Variants in RPS6KA1 observed in about 807,000 individuals in gnomAD.
The protein encoded by RPS6KA1 is ribosomal protein S6 kinase A1, also known as ribosomal protein S6 kinase alpha-1.
In RPS6KA1, 48 loss-of-function variants were observed where a neutral mutation model predicts 91.3. The ratio of observed to expected loss-of-function variants is 0.53; its 90% CI spans 0.42 to 0.67. RPS6KA1 has a LOEUF of 0.67. RPS6KA1 is among the 30% of genes least tolerant of loss of function. RPS6KA1 has a pLI of 0.00. For synonymous variants in RPS6KA1, 359 were observed against 384.7 expected (o/e 0.93, Z 0.78); for missense variants, 719 against 960.5 (o/e 0.75, Z 3.32).
intron 2 of RPS6KA1, among the ~76,000 whole-genome samples, chr1:26,544,332 A>T (rs1480217587): frequency 6.6e-6 from 1 of 151,784 alleles, no homozygotes; most frequent in Non-Finnish European, 1.5e-5. Flanking sequence ...CCTGTTGTTC[A>T]TGTCCCCTTC....
At position 26,551,553 on chromosome 1, in the gene RPS6KA1, C is replaced by A; in HGVS notation, c.388+76C>A. ...TGCCTGTGGTCTGTACACTGTCCCA[C>A]CGCCTGCCTGGCAGGCCAAGGGAGC... On this transcript the variant is annotated intron_variant, in intron 5 of 21. Coordinates refer to ENST00000374168, the MANE Select transcript of RPS6KA1 (RefSeq NM_002953.4). This position sits in a 1 kb window ranked among gnomAD's most constrained non-coding sequence, Gnocchi z 4.5. 1 of 1,596,752 alleles carries A rather than the reference C, an allele frequency of 6.3e-7. No homozygotes were observed. The highest frequency in any genetic ancestry group is 8.6e-7 in the Non-Finnish European group (1 of 1,164,276).
intron 17 of RPS6KA1, among the ~76,000 whole-genome samples, chr1:26,562,255 A>T (rs1170799926): frequency 6.6e-6 from 1 of 152,194 alleles, no homozygotes; most frequent in East Asian, 1.9e-4. Flanking sequence ...TTTTCACAAC[A>T]ACTCTGAGAT....
intron 20 of RPS6KA1, 91 bp downstream of exon 20, chr1:26,572,384 T>A: frequency 4.9e-6 from 4 of 822,942 alleles, no homozygotes; most frequent in Non-Finnish European, 6.2e-6. Context: ...CAGCCTCATT[T>A]CTCCAAGCGG....
rs189525212 is a variant in RPS6KA1, at chr1:26,558,282, G to A, written c.1085-525G>A. ...GTGGATTATCTAGTTAAAGGGAACA[G>A]TGTGTGCAAGGGCTCAGAGACCCCT... On this transcript the variant is annotated intron_variant, in intron 13 of 21. Transcript: ENST00000374168. This position sits in a 1 kb window ranked among gnomAD's most constrained non-coding sequence, Gnocchi z 4.0. Among the ~76,000 whole-genome samples, 2 of 152,310 alleles carry A rather than the reference G, an allele frequency of 1.3e-5. No homozygotes were observed. The highest frequency in any genetic ancestry group is 1.3e-4 in the Admixed American group (2 of 15,298).
chr1:26,568,320 T>A (rs1265155454), intron 17 of RPS6KA1, among the ~76,000 whole-genome samples: 2 of 152,224 alleles, frequency 1.3e-5, no homozygotes, highest in Non-Finnish European at 2.9e-5. Context: ...GGTATCAGAA[T>A]CACCTGTGGG....
rs1394026944 is a variant in RPS6KA1 at position 26,554,972 on chromosome 1, C to T, written c.757-179C>T. Among the ~76,000 whole-genome samples, 6 of 152,214 alleles carry T rather than the reference C, an allele frequency of 3.9e-5. No individual in the cohort carries two copies. Among genetic ancestry groups the T allele is most frequent in the South Asian group, 4.1e-4 (2 of 4,830 alleles). On this transcript the variant is annotated intron_variant, in intron 9 of 21. Coordinates refer to ENST00000374168, the MANE Select transcript of RPS6KA1 (RefSeq NM_002953.4). This position sits in a 1 kb window ranked among gnomAD's most constrained non-coding sequence, Gnocchi z 4.6. ...CTTCTCCCCAGCCTCGCGCCCCCACCGCTGCTCCTGGTGGTCTGGTTGGCA... is the reference window on the plus strand; with the variant it reads ...CTTCTCCCCAGCCTCGCGCCCCCACTGCTGCTCCTGGTGGTCTGGTTGGCA...
chr1:26,564,733 G>A (rs888755616), intron 17 of RPS6KA1, among the ~76,000 whole-genome samples: 2 of 152,148 alleles, frequency 1.3e-5, no homozygotes, highest in African/African-American at 4.8e-5. Context: ...CTGTAAAAAA[G>A]AACTTTACCT....
chr1:26,536,478 T>A (rs901680096), intron 1 of RPS6KA1, among the ~76,000 whole-genome samples: 4 of 152,196 alleles, frequency 2.6e-5, no homozygotes, highest in Non-Finnish European at 5.9e-5. Flanking sequence ...CCTTCCACCC[T>A]TGCAGCAACT....
rs1415157833 is a variant in RPS6KA1, at chr1:26,571,323, C to T, written c.1591-126C>T. 6 of 832,090 alleles carry T rather than the reference C, an allele frequency of 7.2e-6. No individual in the cohort carries two copies. Among genetic ancestry groups the T allele is most frequent in the South Asian group, 1.7e-5 (1 of 58,922 alleles). 51.5% of individuals were successfully genotyped at this position (832,090 alleles called of 1,614,324 possible). The stretch of plus-strand genomic sequence containing the variant: ...TCATTTCAGCCCCTTCCCCTTCTCT[C>T]GGATGCCAAGTCCATGCACCCGTCC... On this transcript the variant is annotated intron_variant, in intron 17 of 21. Transcript: ENST00000374168. This position sits in a 1 kb window ranked among gnomAD's most constrained non-coding sequence, Gnocchi z 5.1.
intron 2 of RPS6KA1, chr1:26,545,935 T>C (rs1472423125): frequency 6.3e-7 from 1 of 1,595,724 alleles, no homozygotes; most frequent in Non-Finnish European, 8.5e-7. Flanking sequence ...CGTCTGCGGC[T>C]CTGGGCCCTG....
chr1:26,569,123 G>A lies in RPS6KA1; in HGVS notation c.1591-2326G>A, dbSNP rs936550176. On this transcript the variant is annotated intron_variant, in intron 17 of 21. Coordinates refer to ENST00000374168, the MANE Select transcript of RPS6KA1 (RefSeq NM_002953.4). ...TGAGAATTGCTTGAACCTGGGAGAC[G>A]GAGGTTGCAGTGATCCAAGATTGTG... is the stretch of plus-strand genomic sequence containing the variant. Among the ~76,000 whole-genome samples the A allele has an allele frequency of 3.9e-5, 6 of 151,916 alleles. No individual in the cohort carries two copies. In the East Asian group the frequency reaches 9.7e-4, roughly 24 times the overall value.
chr1:26,536,796 G>A (rs1389191003), intron 1 of RPS6KA1, 129 bp from the exon 2 acceptor site: 10 of 995,722 alleles, frequency 1.0e-5, no homozygotes, highest in Non-Finnish European at 1.6e-5. Context: ...ACCCACCCAG[G>A]ACTCCTGCCC....
intron 2 of RPS6KA1, chr1:26,546,165 C>A: frequency 9.6e-7 from 1 of 1,037,294 alleles, no homozygotes; most frequent in Non-Finnish European, 1.4e-6. Flanking sequence ...TGACTGGACC[C>A]TGCCCAGACT....
At position 26,573,284 on chromosome 1, in the gene RPS6KA1, C is replaced by A; in HGVS notation, c.2008C>A (p.Leu670Met). 1 of 1,614,200 alleles carries A rather than the reference C, an allele frequency of 6.2e-7. No homozygotes were observed. Among genetic ancestry groups the A allele is most frequent in the Non-Finnish European group, 8.5e-7 (1 of 1,180,022 alleles). ...CCAGCGCCTCACAGCTAAGCAGGTT[C>A]TGCAGCATCCATGGGTCACCCAGAA... The part of the protein sequence containing the change: ...PHQRLTAKQV[L>M]QHPWVTQKDK... Residue 670 changes from leucine (L) to methionine (M), a missense_variant, in exon 21 of 22, where the codon CTG (leucine) becomes ATG (methionine). By Grantham distance (15) the Leu-to-Met change is conservative (BLOSUM62 2). Transcript: ENST00000374168.
Position 26,555,526 on chromosome 1 carries a change from G to C in RPS6KA1, c.828-11G>C, listed in dbSNP as rs759800145. Reference sequence around the variant, plus strand: ...GGGCTCAGCCTTGATGAGTCCCGGGGGCTGTTTCAGGGCGAAGCTAGGCAT... The same window carrying C: ...GGGCTCAGCCTTGATGAGTCCCGGGCGCTGTTTCAGGGCGAAGCTAGGCAT... On this transcript the variant is annotated splice_polypyrimidine_tract_variant and intron_variant, in intron 10 of 21. Transcript: ENST00000374168. The surrounding 1 kb of genome is among the most constrained non-coding windows in gnomAD (Gnocchi z 4.3). The C allele has an allele frequency of 5.7e-6, 9 of 1,577,428 alleles. No homozygotes were observed. The highest frequency in any genetic ancestry group is 7.8e-6 in the Non-Finnish European group (9 of 1,160,418).
intron 17 of RPS6KA1, among the ~76,000 whole-genome samples, chr1:26,565,211 G>A (rs2076188939): frequency 6.6e-6 from 1 of 152,168 alleles, no homozygotes; most frequent in African/African-American, 2.4e-5. Flanking sequence ...TGGATCCTCT[G>A]GGTTGGTTTG....
At position 26,560,810 on chromosome 1, in the gene RPS6KA1, C is replaced by T. The variant is rs1404635350; in HGVS notation, c.1300C>T (p.Arg434Cys). 2.5e-6 allele frequency: 4 copies of T among 1,614,076 alleles called. No homozygotes were observed. The highest frequency in any genetic ancestry group is 2.5e-6 in the Non-Finnish European group (3 of 1,180,044). ...IGVGSYSECKRCVHKATNMEY... is the reference protein window; with the variant it reads ...IGVGSYSECKCCVHKATNMEY... Reference sequence around the variant, plus strand: ...TGTGGGCTCCTACTCTGAGTGCAAGCGCTGTGTCCACAAGGCCACCAACAT... The same window carrying T: ...TGTGGGCTCCTACTCTGAGTGCAAGTGCTGTGTCCACAAGGCCACCAACAT... Residue 434 changes from arginine to cysteine, a missense_variant, in exon 15 of 22, where the codon CGC (arginine) becomes TGC (cysteine). Coordinates refer to ENST00000374168, the MANE Select transcript of RPS6KA1 (RefSeq NM_002953.4).
At position 26,571,623 on chromosome 1, in the gene RPS6KA1, G is replaced by C. The variant is rs2076249536; in HGVS notation, c.1752+13G>C. On this transcript the variant is annotated intron_variant, in intron 18 of 21. Coordinates refer to ENST00000374168, the MANE Select transcript of RPS6KA1 (RefSeq NM_002953.4). The surrounding 1 kb of genome is among the most constrained non-coding windows in gnomAD (Gnocchi z 5.1). ...TGTGGCGCCTGAGGTGAGTGGCCCA[G>C]CCTCCTCAGCTGTAAGAGTGAGGGG... 1 of 1,613,256 alleles carries C rather than the reference G, an allele frequency of 6.2e-7. No homozygotes were observed. The highest frequency in any genetic ancestry group is 1.3e-5 in the African/African-American group (1 of 74,894).
In RPS6KA1 at chr1:26,561,168, C is replaced by T; in HGVS notation, c.1431+34C>T. 1 of 1,554,630 alleles carries T rather than the reference C, an allele frequency of 6.4e-7. No homozygotes were observed. Among genetic ancestry groups the T allele is most frequent in the Non-Finnish European group, 8.9e-7 (1 of 1,126,816 alleles). On this transcript the variant is annotated intron_variant, in intron 16 of 21. Coordinates refer to ENST00000374168, the MANE Select transcript of RPS6KA1 (RefSeq NM_002953.4). This position sits in a 1 kb window ranked among gnomAD's most constrained non-coding sequence, Gnocchi z 5.7. ...GGGTCCTTAAGACTGGGGTGGGGAC[C>T]AGGAACTCAACTCTCAGGATTTGTC...
Sources: gnomAD v4.1 joint callset for allele counts (sites outside exome capture counted in the v4.1 genomes callset) on GRCh38, gnomAD v4.1.1 for gene constraint, Gnocchi (gnomAD v3.1) non-coding constraint, MANE v1.5 for transcripts, NCBI Gene and HGNC (gene_info 2026-07-23, HGNC 2026-07-21) for gene names.